The following ZNRF3 variants were observed in gnomAD, a reference collection of about 807,000 sequenced individuals.
ZNRF3 encodes E3 ubiquitin-protein ligase ZNRF3.
ZNRF3 carries 23 observed loss-of-function variants against 72.5 expected under a neutral mutation model. The observed-to-expected ratio is 0.32, with a 90% CI of 0.23 to 0.45. The LOEUF is 0.45. Among genes scored for constraint, ZNRF3 ranks in the 20% least tolerant of loss-of-function variants. ZNRF3 has a pLI of 1.00. For synonymous variants in ZNRF3, 610 were observed against 545.3 expected (o/e 1.12, Z -1.65); for missense variants, 1,169 against 1,272.1 (o/e 0.92, Z 1.23).
At chr22:29,023,931 G>T (rs183074411) in intron 2 of ZNRF3, among the ~76,000 whole-genome samples, 1 of 152,190 alleles carries the variant, frequency 6.6e-6, no homozygotes, top group Non-Finnish European at 1.5e-5. Context: ...CATAGTGCTT[G>T]TAGTTATAGC....
At chr22:28,896,206 C>T (rs945190991) in intron 1 of ZNRF3, among the ~76,000 whole-genome samples, 1 of 152,220 alleles carries the variant, frequency 6.6e-6, no homozygotes, top group Non-Finnish European at 1.5e-5. Flanking sequence ...GCGATCTTGG[C>T]TCACTGCAAC....
intron 1 of ZNRF3, among the ~76,000 whole-genome samples, chr22:28,917,963 T>C (rs2034438502): frequency 6.6e-6 from 1 of 152,244 alleles, no homozygotes; most frequent in Non-Finnish European, 1.5e-5. Flanking sequence ...AAGAGGCCTG[T>C]TCTGTTAGCT....
At chr22:28,975,676 G>T (rs2035658743) in intron 1 of ZNRF3, among the ~76,000 whole-genome samples, 1 of 152,044 alleles carries the variant, frequency 6.6e-6, no homozygotes, top group Non-Finnish European at 1.5e-5. Context: ...GGCAGAGATT[G>T]CAGTGAGCTG....
chr22:28,986,639 C>T (rs571876003), intron 1 of ZNRF3: 9 of 985,212 alleles, frequency 9.1e-6, no homozygotes, highest in African/African-American at 1.7e-5. Flanking sequence ...GATCCTCTTG[C>T]GTAAGTTGAA....
rs1376852453 is a variant in ZNRF3, at chr22:29,056,104, G to GT, written c.*2482_*2483insT. 1 of 105,020 alleles carries GT rather than the reference G, an allele frequency of 9.5e-6. No homozygotes were observed. The highest frequency in any genetic ancestry group is 1.8e-5 in the Non-Finnish European group (1 of 54,186). The allele number at this position is 105,020 out of a possible 1,614,324, so 6.5% of individuals were successfully genotyped here. A position where few individuals can be genotyped will look rare whatever the true frequency, so the allele number is the denominator to read the frequency against. The stretch of plus-strand genomic sequence containing the variant: ...CCTTAAATACCAAATACCAACCATT[G>GT]CCTTTTTTTTTTTTGAGATGGAATT... On this transcript the variant is annotated 3_prime_UTR_variant, in exon 9 of 9. Coordinates refer to ENST00000544604, the MANE Select transcript of ZNRF3 (RefSeq NM_001206998.2).
At chr22:28,903,999 C>G (rs1053573739) in intron 1 of ZNRF3, among the ~76,000 whole-genome samples, 1 of 152,050 alleles carries the variant, frequency 6.6e-6, no homozygotes, top group African/African-American at 2.4e-5. Flanking sequence ...TCTCTCTCCT[C>G]AAAGTGTCTT....
chr22:28,907,727 G>T (rs1025125372), intron 1 of ZNRF3, among the ~76,000 whole-genome samples: 10 of 152,220 alleles, frequency 6.6e-5, no homozygotes, highest in African/African-American at 2.4e-4. Flanking sequence ...TTTGCAATCA[G>T]TGGGGATGGT....
intron 1 of ZNRF3, among the ~76,000 whole-genome samples, chr22:28,904,172 T>C (rs575724393): frequency 6.6e-6 from 1 of 152,338 alleles, no homozygotes; most frequent in African/African-American, 2.4e-5. Context: ...ACTCGGCCTC[T>C]GTCTTTAAGT....
chr22:28,902,872 G>A (rs1291569770), intron 1 of ZNRF3, among the ~76,000 whole-genome samples: 1 of 152,196 alleles, frequency 6.6e-6, no homozygotes, highest in Non-Finnish European at 1.5e-5. Flanking sequence ...TAACGTTTAT[G>A]TTGCAGTTCC....
At chr22:29,034,999 C>CTTTTT (rs10607848) in intron 2 of ZNRF3, among the ~76,000 whole-genome samples, 1 of 131,224 alleles carries the variant, frequency 7.6e-6, no homozygotes, top group Non-Finnish European at 1.6e-5. Flanking sequence ...TTTGTTAGAC[C>CTTTTT]TTTTTTTTTT....
At position 29,030,121 on chromosome 22, in the gene ZNRF3, A is replaced by G. The variant is rs1347411229; in HGVS notation, c.427-12374A>G. On this transcript the variant is annotated intron_variant, in intron 2 of 8. Coordinates refer to ENST00000544604, the MANE Select transcript of ZNRF3 (RefSeq NM_001206998.2). The surrounding 1 kb of genome is among the most constrained non-coding windows in gnomAD (Gnocchi z 4.2). ...TAACATCTTTCACCCCACAGTATCG[A>G]TGGAGCAGGAGGGTGTGGACAGGCT... is the stretch of plus-strand genomic sequence containing the variant. 6.6e-6 allele frequency among the ~76,000 whole-genome samples: 1 copy of G among 152,212 alleles called. No individual in the cohort carries two copies. Among genetic ancestry groups the G allele is most frequent in the Non-Finnish European group, 1.5e-5 (1 of 68,046 alleles).
At chr22:29,003,362 AC>A (rs2036185535) in intron 2 of ZNRF3, among the ~76,000 whole-genome samples, 1 of 152,082 alleles carries the variant, frequency 6.6e-6, no homozygotes, top group South Asian at 2.1e-4. Flanking sequence ...TTAAAAAAAT[AC>A]AAAAAAATTA....
At chr22:28,959,086 C>T (rs2035309851) in intron 1 of ZNRF3, among the ~76,000 whole-genome samples, 1 of 152,162 alleles carries the variant, frequency 6.6e-6, no homozygotes. Flanking sequence ...TGTCCTGCAG[C>T]CTTGGGTGAG....
rs991315451 is a variant in ZNRF3, at chr22:29,056,938, A to G, written c.*3316A>G. The G allele has an allele frequency of 2.6e-5, 4 of 152,214 alleles. No homozygotes were observed. Among genetic ancestry groups the G allele is most frequent in the African/African-American group, 9.6e-5 (4 of 41,456 alleles). 9.4% of individuals were successfully genotyped at this position (152,214 alleles called of 1,614,324 possible). ...TTCGTGCAGGACTAATGCTTTTAAAATGAGGTCTAAAAAATAATTACTAGT... is the reference window on the plus strand; with the variant it reads ...TTCGTGCAGGACTAATGCTTTTAAAGTGAGGTCTAAAAAATAATTACTAGT... On this transcript the variant is annotated 3_prime_UTR_variant, in exon 9 of 9. Coordinates refer to ENST00000544604, the MANE Select transcript of ZNRF3 (RefSeq NM_001206998.2).
chr22:29,000,167 T>C (rs1048867462), intron 2 of ZNRF3, among the ~76,000 whole-genome samples: 2 of 152,222 alleles, frequency 1.3e-5, no homozygotes, highest in Non-Finnish European at 2.9e-5. Context: ...TTTTTGCTAG[T>C]TATAAAAATA....
chr22:28,910,844 G>T (rs530597864), intron 1 of ZNRF3, among the ~76,000 whole-genome samples: 1 of 152,318 alleles, frequency 6.6e-6, no homozygotes, highest in East Asian at 1.9e-4. Context: ...TGCTCCTGCT[G>T]GCTCTTGCTA....
At chr22:28,978,636 G>C (rs2035714646) in intron 1 of ZNRF3, among the ~76,000 whole-genome samples, 1 of 152,162 alleles carries the variant, frequency 6.6e-6, no homozygotes, top group African/African-American at 2.4e-5. Context: ...TAATTCACGT[G>C]TCTGTTTATA....
At chr22:29,005,745 T>C (rs1479010959) in intron 2 of ZNRF3, among the ~76,000 whole-genome samples, 1 of 152,126 alleles carries the variant, frequency 6.6e-6, no homozygotes, top group Non-Finnish European at 1.5e-5. Context: ...GGTCTAGTGA[T>C]CTTGGAGGGC....
chr22:28,922,739 G>A (rs1386949053), intron 1 of ZNRF3, among the ~76,000 whole-genome samples: 1 of 152,164 alleles, frequency 6.6e-6, no homozygotes, highest in Non-Finnish European at 1.5e-5. Flanking sequence ...CCTGGCCCAT[G>A]TCCGTTTCCC....
Sources: gnomAD v4.1 joint callset for allele counts (sites outside exome capture counted in the v4.1 genomes callset) on GRCh38, gnomAD v4.1.1 for gene constraint, Gnocchi (gnomAD v3.1) non-coding constraint, MANE v1.5 for transcripts, NCBI Gene and HGNC (gene_info 2026-07-23, HGNC 2026-07-21) for gene names.